ADRA1B: variants seen among roughly 807,000 people sequenced by gnomAD.
ADRA1B encodes the protein adrenoceptor alpha 1B.
ADRA1B carries 17 observed loss-of-function variants against 17.9 expected under a neutral mutation model. The observed-to-expected ratio is 0.95, with a 90% CI of 0.65 to 1.42. The LOEUF (loss-of-function observed/expected upper bound fraction) is 1.42. Among genes scored for constraint, ADRA1B ranks in the 40% most tolerant of loss-of-function variants. The pLI, the probability that ADRA1B is intolerant of heterozygous loss-of-function variation, is 0.00. For synonymous variants in ADRA1B, 366 were observed against 327.6 expected, an observed-to-expected ratio of 1.12 and a Z score of -1.27; for missense variants, 681 against 722.1, an observed-to-expected ratio of 0.94 and a Z score of 0.65.
At chr5:159,932,717 ATATATT>A (rs1416558319) in intron 1 of ADRA1B, among the ~76,000 whole-genome samples, 9 of 152,156 alleles carry the variant, frequency 5.9e-5, no homozygotes, top group Non-Finnish European at 1.0e-4. Context: ...GCATATATAA[ATATATT>A]TATATGATAT....
chr5:159,970,558 T>G (rs1755848517), intron 1 of ADRA1B, among the ~76,000 whole-genome samples: 1 of 152,172 alleles, frequency 6.6e-6, no homozygotes, highest in South Asian at 2.1e-4. Flanking sequence ...TATGAACCCT[T>G]ATGGACTTGT....
At chr5:159,923,522 G>A (rs1223512618) in intron 1 of ADRA1B, among the ~76,000 whole-genome samples, 3 of 152,268 alleles carry the variant, frequency 2.0e-5, no homozygotes, top group Non-Finnish European at 4.4e-5. Flanking sequence ...CTAAGTAGAT[G>A]GAGGTACCAT....
intron 1 of ADRA1B, among the ~76,000 whole-genome samples, chr5:159,963,937 C>T (rs961672543): frequency 6.6e-6 from 1 of 152,162 alleles, no homozygotes; most frequent in African/African-American, 2.4e-5. Context: ...TGGGTGGGCT[C>T]ACGGCAACAT....
At chr5:159,892,488 C>T (rs1233081488) in intron 1 of ADRA1B, among the ~76,000 whole-genome samples, 2 of 152,178 alleles carry the variant, frequency 1.3e-5, no homozygotes, top group African/African-American at 4.8e-5. Context: ...CCTTCTCCCC[C>T]TCAACACTCT....
the ADRA1B span, among the ~76,000 whole-genome samples, chr5:159,982,371 T>C: frequency 6.6e-6 from 1 of 152,156 alleles, no homozygotes; most frequent in Non-Finnish European, 1.5e-5. Flanking sequence ...GGAAGAGATG[T>C]GCTTTCTTGT....
upstream of ADRA1B, among the ~76,000 whole-genome samples, chr5:159,912,255 C>G (rs992714743): frequency 2.0e-5 from 3 of 152,150 alleles, no homozygotes; most frequent in African/African-American, 7.2e-5. Flanking sequence ...AGTGACTTGC[C>G]CAAGAACACA....
chr5:159,918,806 C>T (rs541286582), intron 1 of ADRA1B, among the ~76,000 whole-genome samples: 4 of 152,334 alleles, frequency 2.6e-5, no homozygotes, highest in African/African-American at 9.6e-5. Context: ...GTCCACATGG[C>T]CTGGGGATCC....
rs138374098 is a variant in ADRA1B at position 159,900,704 on chromosome 5, A to G, written c.-255-15415A>G. On this transcript the variant is annotated intron_variant, in intron 1 of 2. Coordinates refer to the ADRA1B transcript ENST00000641205. ...TTCTCTTGTCTCTCTCCCTTCTGCC[A>G]TACCCCCCACTGAGCAAGCCCAGCT... 3.5e-3 allele frequency among the ~76,000 whole-genome samples: 540 copies of G among 152,338 alleles called. 4 individuals carry two copies. The highest frequency in any genetic ancestry group is 4.8e-3 in the Non-Finnish European group (326 of 68,038).
intron 1 of ADRA1B, among the ~76,000 whole-genome samples, chr5:159,963,830 G>A (rs1318647657): frequency 2.6e-5 from 4 of 152,158 alleles, no homozygotes; most frequent in Admixed American, 6.5e-5. Flanking sequence ...GCCAAGAAAT[G>A]TTTTTCCCTG....
At chr5:159,979,902 C>A in the ADRA1B span, among the ~76,000 whole-genome samples, 217 of 150,958 alleles carry the variant, frequency 1.4e-3, no homozygotes, top group African/African-American at 4.9e-3. Context: ...GTAGAGAGGG[C>A]AAGAAGGAGA....
Position 159,972,156 on chromosome 5 carries a change from C to G in ADRA1B, c.1227C>G (p.Asp409Glu). The G allele has an allele frequency of 7.3e-7, 1 of 1,362,702 alleles. No individual in the cohort carries two copies. The highest frequency in any genetic ancestry group is 1.7e-5 in the South Asian group (1 of 59,580). The allele number at this position is 1,362,702 out of a possible 1,614,324, so 84.4% of individuals were successfully genotyped here. A position where few individuals can be genotyped will look rare whatever the true frequency, so the allele number is the denominator to read the frequency against. ...RSQSRKDSLD[D>E]SGSCLSGSQR... ...AGTCGCGCAAGGACTCGCTGGACGA[C>G]AGCGGCAGCTGCCTGAGCGGCAGCC... is the stretch of plus-strand genomic sequence containing the variant. Residue 409 changes from aspartate (D) to glutamate (E), a missense_variant, in exon 2 of 2, where the codon GAC becomes GAG. Coordinates refer to ENST00000306675, the MANE Select transcript of ADRA1B (RefSeq NM_000679.4).
intron 1 of ADRA1B, among the ~76,000 whole-genome samples, chr5:159,911,436 T>A (rs1754227059): frequency 1.3e-5 from 2 of 152,092 alleles, no homozygotes; most frequent in African/African-American, 4.8e-5. Context: ...CCCGCCTCAC[T>A]CCCCAGCTCC....
rs562306065 is a variant in ADRA1B, at chr5:159,910,111, A to C, written c.-255-6008A>C. ...CCTACATACATACAAACAGGTTTAA[A>C]TTATAGAGAACATCAATATAATAAT... On this transcript the variant is annotated intron_variant, in intron 1 of 2. Coordinates refer to the ADRA1B transcript ENST00000641205. 7.3e-4 allele frequency among the ~76,000 whole-genome samples: 111 copies of C among 152,340 alleles called. 1 individual carries two copies. The highest frequency in any genetic ancestry group is 2.6e-3 in the African/African-American group (108 of 41,570).
chr5:159,971,565 T>C (rs569159054), intron 1 of ADRA1B, among the ~76,000 whole-genome samples: 1 of 152,196 alleles, frequency 6.6e-6, no homozygotes, highest in Admixed American at 6.5e-5. Context: ...GGGCGATTAT[T>C]GTTATCACTT....
chr5:159,977,873 C>T (rs1755995830), downstream of ADRA1B, among the ~76,000 whole-genome samples: 2 of 151,990 alleles, frequency 1.3e-5, no homozygotes, highest in East Asian at 3.9e-4. Context: ...AGGGACTTTG[C>T]ACTTGTTGTC....
chr5:159,950,845 C>T, intron 1 of ADRA1B: 1 of 600,328 alleles, frequency 1.7e-6, no homozygotes, highest in South Asian at 1.7e-5. Flanking sequence ...AGAGATGACC[C>T]CTACCCACAG....
At chr5:159,960,919 G>T (rs920367272) in intron 1 of ADRA1B, among the ~76,000 whole-genome samples, 1 of 152,154 alleles carries the variant, frequency 6.6e-6, no homozygotes, top group African/African-American at 2.4e-5. Context: ...GGTAGGCCTT[G>T]GGCACAGAGA....
chr5:159,971,864 C>G lies in ADRA1B; in HGVS notation c.950-15C>G, dbSNP rs1365255342. ...GCTGTCTTTCTGCCCGTGCCCACCC[C>G]CCTCCCCACTGCAGGCTCCTTGTTC... On this transcript the variant is annotated splice_polypyrimidine_tract_variant and intron_variant, in intron 1 of 1. Transcript: ENST00000306675. 1.0e-5 allele frequency: 4 copies of G among 394,834 alleles called. No individual in the cohort carries two copies. Among genetic ancestry groups the G allele is most frequent in the East Asian group, 8.3e-5 (1 of 11,982 alleles). 24.5% of individuals were successfully genotyped at this position (394,834 alleles called of 1,614,324 possible). A position where few individuals can be genotyped will look rare whatever the true frequency, so the allele number is the denominator to read the frequency against.
At position 159,972,452 on chromosome 5, in the gene ADRA1B, G is replaced by C; in HGVS notation, c.1523G>C (p.Gly508Ala). 1 of 1,486,016 alleles carries C rather than the reference G, an allele frequency of 6.7e-7. No homozygotes were observed. The highest frequency in any genetic ancestry group is 8.9e-7 in the Non-Finnish European group (1 of 1,121,658). The allele number at this position is 1,486,016 out of a possible 1,614,324, so 92.1% of individuals were successfully genotyped here. A position where few individuals can be genotyped will look rare whatever the true frequency, so the allele number is the denominator to read the frequency against. The part of the protein sequence containing the change: ...AAADVANGQP[G>A]FKSNMPLAPG... ...GCCGACGTGGCCAACGGGCAGCCGGGCTTCAAAAGCAACATGCCCCTGGCG... is the reference window on the plus strand; with the variant it reads ...GCCGACGTGGCCAACGGGCAGCCGGCCTTCAAAAGCAACATGCCCCTGGCG... Residue 508 changes from glycine (G) to alanine (A), a missense_variant, in exon 2 of 2, where the codon GGC becomes GCC. Transcript: ENST00000306675.
Sources: gnomAD v4.1 joint callset for allele counts (sites outside exome capture counted in the v4.1 genomes callset) on GRCh38, gnomAD v4.1.1 for gene constraint, MANE v1.5 for transcripts, NCBI Gene and HGNC (gene_info 2026-07-23, HGNC 2026-07-21) for gene names.